The following CEMIP variants were observed in gnomAD, a reference collection of about 807,000 sequenced individuals.
CEMIP encodes cell migration-inducing and hyaluronan-binding protein.
Under a neutral mutation model 156.9 loss-of-function variants are expected in CEMIP, and 105 were observed. The ratio of observed to expected loss-of-function variants is 0.67; its 90% CI spans 0.57 to 0.79. The LOEUF is 0.79. CEMIP is among the 30% of genes least tolerant of loss of function. The pLI is 0.00. For synonymous variants in CEMIP, 676 were observed against 668.4 expected (o/e 1.01, Z -0.17); for missense variants, 1,457 against 1,769.4 (o/e 0.82, Z 3.17).
chr15:80,856,232 G>A (rs994836690), intron 1 of CEMIP, among the ~76,000 whole-genome samples: 3 of 152,190 alleles, frequency 2.0e-5, no homozygotes, highest in Non-Finnish European at 4.4e-5. Flanking sequence ...CTCAACAAGT[G>A]TGCATTTTAG....
At chr15:80,814,532 C>T (rs75471949) in intron 1 of CEMIP, among the ~76,000 whole-genome samples, 416 of 152,314 alleles carry the variant, frequency 2.7e-3, no homozygotes, top group Middle Eastern at 0.014. Flanking sequence ...TCCTTCAAGA[C>T]CCAGCTCAAT....
chr15:80,819,678 T>C (rs1287204018), intron 1 of CEMIP, among the ~76,000 whole-genome samples: 1 of 152,322 alleles, frequency 6.6e-6, no homozygotes, highest in East Asian at 1.9e-4. Flanking sequence ...GCTTTCAGCC[T>C]ATTTTGTTTT....
chr15:80,815,910 C>T (rs1294811411), intron 1 of CEMIP, among the ~76,000 whole-genome samples: 1 of 152,114 alleles, frequency 6.6e-6, no homozygotes, highest in Non-Finnish European at 1.5e-5. Flanking sequence ...CTTTTTCCAG[C>T]ATAGAAACTT....
intron 17 of CEMIP, 69 bp downstream of exon 17, chr15:80,922,206 G>C (rs1044614767): frequency 6.3e-7 from 1 of 1,597,992 alleles, no homozygotes; most frequent in East Asian, 2.2e-5. Flanking sequence ...CAGATGATTA[G>C]AGCCGGGACA....
chr15:80,923,679 C>T (rs144347621), intron 17 of CEMIP, among the ~76,000 whole-genome samples: 3 of 152,254 alleles, frequency 2.0e-5, no homozygotes, highest in Non-Finnish European at 2.9e-5. Context: ...GAGGAGGTCT[C>T]GTCCTTGGTG....
At chr15:80,846,010 C>A (rs1266177054) in intron 1 of CEMIP, among the ~76,000 whole-genome samples, 1 of 152,200 alleles carries the variant, frequency 6.6e-6, no homozygotes, top group Non-Finnish European at 1.5e-5. Context: ...TACACTCCCA[C>A]CCTCAACATC....
intron 1 of CEMIP, among the ~76,000 whole-genome samples, chr15:80,843,258 TTC>T (rs1897469613): frequency 6.6e-6 from 1 of 152,216 alleles, no homozygotes; most frequent in Non-Finnish European, 1.5e-5. Flanking sequence ...TGGTCACTGG[TTC>T]AAGTGAGTAG....
chr15:80,939,041 T>C (rs1901243030), intron 25 of CEMIP, among the ~76,000 whole-genome samples: 1 of 151,986 alleles, frequency 6.6e-6, no homozygotes, highest in Admixed American at 6.6e-5. Context: ...GGGAGGGCAA[T>C]AAAAAACACC....
intron 21 of CEMIP, among the ~76,000 whole-genome samples, chr15:80,931,012 C>T (rs1900893762): frequency 2.6e-5 from 4 of 152,142 alleles, no homozygotes; most frequent in Admixed American, 2.6e-4. Flanking sequence ...GTGCTCTGCT[C>T]AGGAGTCTGA....
rs890135601 is a variant in CEMIP, at chr15:80,833,052, G to A, written c.-175-40486G>A. On this transcript the variant is annotated intron_variant, in intron 1 of 29. Transcript: ENST00000394685. ...TGGAAGGCACATCATTTTTCTAAACGACTCTTGGAAGTTACACTTCTGCTC... is the reference window on the plus strand; with the variant it reads ...TGGAAGGCACATCATTTTTCTAAACAACTCTTGGAAGTTACACTTCTGCTC... Among the ~76,000 whole-genome samples, 9 of 152,128 alleles carry A rather than the reference G, an allele frequency of 5.9e-5. No individual in the cohort carries two copies. In the South Asian group the frequency reaches 6.2e-4, roughly 10 times the overall value.
chr15:80,838,987 G>A (rs956674520), intron 1 of CEMIP, among the ~76,000 whole-genome samples: 1 of 152,184 alleles, frequency 6.6e-6, no homozygotes, highest in Non-Finnish European at 1.5e-5. Flanking sequence ...TTAAGTCACA[G>A]GGTGTCCAGC....
chr15:80,922,177 G>A (rs181318698), intron 17 of CEMIP, 40 bp downstream of exon 17: 27 of 1,613,020 alleles, frequency 1.7e-5, no homozygotes, highest in African/African-American at 9.3e-5. Flanking sequence ...CCAGCCTCTC[G>A]GTCCCCTTCC....
At chr15:80,832,628 G>A (rs1897181870) in intron 1 of CEMIP, among the ~76,000 whole-genome samples, 1 of 152,114 alleles carries the variant, frequency 6.6e-6, no homozygotes, top group Non-Finnish European at 1.5e-5. Flanking sequence ...TTAACCCAGG[G>A]TATCAAAGTG....
At chr15:80,881,173 T>C in intron 6 of CEMIP, 37 bp downstream of exon 6, 1 of 1,559,674 alleles carries the variant, frequency 6.4e-7, no homozygotes, top group Non-Finnish European at 8.8e-7. Flanking sequence ...TACTCATTCA[T>C]TCAAAGTACA....
chr15:80,896,330 CAT>C (rs1899222047), intron 12 of CEMIP: 1 of 617,086 alleles, frequency 1.6e-6, no homozygotes, highest in Non-Finnish European at 3.0e-6. Context: ...CTTCCCAAAA[CAT>C]ATTCTTCTCA....
chr15:80,887,883 G>A, intron 8 of CEMIP, 119 bp downstream of exon 8: 1 of 859,314 alleles, frequency 1.2e-6, no homozygotes, highest in Non-Finnish European at 1.9e-6. Context: ...CCAATGTCTA[G>A]ATGAGTGAGC....
At chr15:80,838,052 G>C (rs1897302927) in intron 1 of CEMIP, among the ~76,000 whole-genome samples, 1 of 152,210 alleles carries the variant, frequency 6.6e-6, no homozygotes, top group African/African-American at 2.4e-5. Flanking sequence ...GCCCCCCCAG[G>C]TCTCTATGCT....
chr15:80,918,162 C>T (rs947877824), intron 14 of CEMIP, among the ~76,000 whole-genome samples: 3 of 152,184 alleles, frequency 2.0e-5, no homozygotes, highest in Admixed American at 2.0e-4. Context: ...GTAGTCCCAG[C>T]TCCCCAGGGG....
chr15:80,927,119 G>C (rs534752411), intron 19 of CEMIP, among the ~76,000 whole-genome samples: 6 of 152,208 alleles, frequency 3.9e-5, no homozygotes, highest in African/African-American at 1.4e-4. Flanking sequence ...GTGAGCCACT[G>C]TGCCCAGCCG....
Sources: allele counts gnomAD v4.1 joint callset (sites outside exome capture counted in the v4.1 genomes callset), GRCh38; gene constraint gnomAD v4.1.1; transcripts MANE v1.5; gene names NCBI Gene and HGNC (gene_info 2026-07-23, HGNC 2026-07-21).